Variants in ABCB11 observed in about 807,000 individuals in gnomAD.
ABCB11 encodes the protein ATP binding cassette subfamily B member 11.
Under a neutral mutation model 148.0 loss-of-function variants are expected in ABCB11, and 95 were observed. That is an observed-to-expected ratio of 0.64 (90% CI 0.54 to 0.76). The LOEUF is 0.76. ABCB11 is among the 30% of genes least tolerant of loss of function. The pLI, the probability that ABCB11 is intolerant of heterozygous loss-of-function variation, is 0.00. For missense variants in ABCB11, 1,523 were observed against 1,617.8 expected, an observed-to-expected ratio of 0.94 and a Z score of 1.01; for synonymous variants, 591 against 555.4, an observed-to-expected ratio of 1.06 and a Z score of -0.90.
intron 5 of ABCB11, among the ~76,000 whole-genome samples, chr2:169,002,183 A>C (rs893232262): frequency 6.6e-5 from 10 of 152,326 alleles, no homozygotes; most frequent in African/African-American, 2.4e-4. Flanking sequence ...TTTTGTAAAG[A>C]TAAAAGGGTC....
intron 19 of ABCB11, among the ~76,000 whole-genome samples, chr2:168,955,739 AG>A (rs1692760711): frequency 6.6e-6 from 1 of 151,690 alleles, no homozygotes. Context: ...TTAACTCAAA[AG>A]TCTAAGTCCA....
intron 23 of ABCB11, among the ~76,000 whole-genome samples, chr2:168,932,835 C>T (rs988943409): frequency 1.3e-5 from 2 of 152,048 alleles, no homozygotes; most frequent in South Asian, 2.1e-4. Flanking sequence ...GTTGGCCAGG[C>T]GCGGTGGCTC....
intron 2 of ABCB11, among the ~76,000 whole-genome samples, chr2:169,017,347 C>A (rs1255898394): frequency 1.3e-5 from 2 of 152,036 alleles, no homozygotes; most frequent in Non-Finnish European, 2.9e-5. Context: ...AGGTGAAAGT[C>A]AGTGATTATA....
intron 12 of ABCB11, among the ~76,000 whole-genome samples, chr2:168,974,545 G>A (rs1018255184): frequency 6.6e-6 from 1 of 151,908 alleles, no homozygotes; most frequent in East Asian, 1.9e-4. Flanking sequence ...AGTCAAACTT[G>A]CAAATACATT....
chr2:168,940,705 T>C (rs540345102), intron 21 of ABCB11, among the ~76,000 whole-genome samples: 2 of 152,106 alleles, frequency 1.3e-5, no homozygotes, highest in South Asian at 2.1e-4. Context: ...TGGAGGAAGA[T>C]GCCATCTAGG....
chr2:169,006,762 A>C (rs2106034197), intron 5 of ABCB11, among the ~76,000 whole-genome samples: 1 of 152,292 alleles, frequency 6.6e-6, no homozygotes, highest in Non-Finnish European at 1.5e-5. Context: ...GATAGTAGCA[A>C]TGGGCAAACT....
At chr2:168,992,845 T>C (rs1331875188) in intron 8 of ABCB11, among the ~76,000 whole-genome samples, 1 of 152,100 alleles carries the variant, frequency 6.6e-6, no homozygotes, top group African/African-American at 2.4e-5. Context: ...TATTTTGCTA[T>C]TGAGCAATAG....
At chr2:168,994,272 T>C (rs1694643474) in intron 7 of ABCB11, among the ~76,000 whole-genome samples, 1 of 152,136 alleles carries the variant, frequency 6.6e-6, no homozygotes, top group Admixed American at 6.6e-5. Context: ...GCATCAATCT[T>C]GTATAATCCC....
At chr2:169,002,340 C>T (rs1015323073) in intron 5 of ABCB11, among the ~76,000 whole-genome samples, 1 of 152,108 alleles carries the variant, frequency 6.6e-6, no homozygotes, top group African/African-American at 2.4e-5. Context: ...AACACTTGTA[C>T]ACTGTTGGTG....
chr2:168,943,197 T>C (rs999936075), intron 21 of ABCB11, among the ~76,000 whole-genome samples: 4 of 151,984 alleles, frequency 2.6e-5, no homozygotes, highest in Non-Finnish European at 5.9e-5. Context: ...GATAAGATTA[T>C]GACTTATTTA....
intron 14 of ABCB11, among the ~76,000 whole-genome samples, chr2:168,970,865 C>A (rs1329731217): frequency 6.6e-6 from 1 of 151,994 alleles, no homozygotes; most frequent in African/African-American, 2.4e-5. Flanking sequence ...CTATTTGCAA[C>A]TGATGAATAA....
chr2:168,943,614 G>A (rs557344591), intron 21 of ABCB11, among the ~76,000 whole-genome samples: 3 of 151,984 alleles, frequency 2.0e-5, no homozygotes, highest in Non-Finnish European at 4.4e-5. Context: ...CTAAGTCTAT[G>A]GGAAACACAT....
chr2:168,958,811 C>T (rs772097138), intron 18 of ABCB11, among the ~76,000 whole-genome samples: 7 of 151,592 alleles, frequency 4.6e-5, no homozygotes, highest in Non-Finnish European at 7.4e-5. Context: ...ATACATGGAC[C>T]TCCGTTGTCT....
chr2:168,915,565 A>C (rs981318245), exon 3 of ABCB11, among the ~76,000 whole-genome samples: 5 of 152,242 alleles, frequency 3.3e-5, no homozygotes, highest in African/African-American at 1.2e-4. Context: ...AGATGGGTGA[A>C]GGCAGGCAAC....
In ABCB11 at chr2:168,927,338, T is replaced by C; in HGVS notation, c.3436A>G (p.Lys1146Glu). The change falls in exon 26 of 28, where the codon AAA becomes GAA. Residue 1146 changes from lysine (K) to glutamate (E), a missense_variant. Coordinates refer to ENST00000650372, the MANE Select transcript of ABCB11 (RefSeq NM_003742.4). ...GAGCGGAGGAACTGGACATTTACTTTTTTGCTGTCATGACCATCTATCATC... is the reference window on the plus strand; with the variant it reads ...GAGCGGAGGAACTGGACATTTACTTCTTTGCTGTCATGACCATCTATCATC... Reference protein sequence around the residue: ...KVMIDGHDSKKVNVQFLRSNI... With the variant: ...KVMIDGHDSKEVNVQFLRSNI... 6.2e-7 allele frequency: 1 copy of C among 1,613,814 alleles called. No homozygotes were observed.
chr2:168,981,228 T>C (rs1694126093), intron 10 of ABCB11, among the ~76,000 whole-genome samples: 1 of 152,158 alleles, frequency 6.6e-6, no homozygotes, highest in African/African-American at 2.4e-5. Context: ...CCCTCTTCAG[T>C]AACCTCTTCA....
At chr2:168,961,815 A>G (rs987477162) in intron 18 of ABCB11, among the ~76,000 whole-genome samples, 5 of 151,732 alleles carry the variant, frequency 3.3e-5, no homozygotes, top group Non-Finnish European at 7.4e-5. Context: ...ATACTCCACA[A>G]GACCACAAGG....
At position 168,968,407 on chromosome 2, in the gene ABCB11, G is replaced by T. The variant is rs76855720; in HGVS notation, c.2075+20C>A. On this transcript the variant is annotated intron_variant, in intron 17 of 27. Transcript: ENST00000650372. ...AGAATATTTGGAAAGCTTGTAATCT[G>T]CCCCATGGCTTGAGCTTACCTTAAA... 6.2e-7 allele frequency: 1 copy of T among 1,606,184 alleles called. No individual in the cohort carries two copies. The highest frequency in any genetic ancestry group is 8.5e-7 in the Non-Finnish European group (1 of 1,175,538).
At chr2:168,977,598 G>A (rs1334016342) in intron 11 of ABCB11, among the ~76,000 whole-genome samples, 1 of 152,132 alleles carries the variant, frequency 6.6e-6, no homozygotes, top group Non-Finnish European at 1.5e-5. Context: ...ATTCATCACT[G>A]TATTAGTCCA....
Sources: gnomAD v4.1 joint callset for allele counts (sites outside exome capture counted in the v4.1 genomes callset) on GRCh38, gnomAD v4.1.1 for gene constraint, MANE v1.5 for transcripts, NCBI Gene and HGNC (gene_info 2026-07-23, HGNC 2026-07-21) for gene names.